NR1D2: variants seen among roughly 807,000 people sequenced by gnomAD.
NR1D2 encodes the protein nuclear receptor subfamily 1 group D member 2.
In NR1D2, 25 loss-of-function variants were observed where a neutral mutation model predicts 52.2. That is an observed-to-expected ratio of 0.48 (90% confidence interval 0.35 to 0.67). The LOEUF (loss-of-function observed/expected upper bound fraction) is 0.67, where lower values mean the gene tolerates loss of function less well. NR1D2 is among the 30% of genes least tolerant of loss of function. The pLI, the probability that NR1D2 is intolerant of heterozygous loss-of-function variation, is 0.01. For missense variants in NR1D2, 681 were observed against 707.2 expected (o/e 0.96, Z 0.42); for synonymous variants, 259 against 230.1 (o/e 1.13, Z -1.14).
chr3:23,948,495 T>TA (rs1404905956), intron 1 of NR1D2, among the ~76,000 whole-genome samples: 1 of 152,154 alleles, frequency 6.6e-6, no homozygotes, highest in African/African-American at 2.4e-5. Context: ...TAACACACAT[T>TA]AAAAAATGAG....
chr3:23,957,131 C>T (rs752095205), intron 3 of NR1D2, among the ~76,000 whole-genome samples: 71 of 151,972 alleles, frequency 4.7e-4, no homozygotes, highest in Admixed American at 7.2e-4. Flanking sequence ...TACAGGCACA[C>T]GCCACCACTC....
intron 7 of NR1D2, among the ~76,000 whole-genome samples, chr3:23,969,721 G>T (rs974386573): frequency 6.6e-6 from 1 of 152,204 alleles, no homozygotes; most frequent in Non-Finnish European, 1.5e-5. Context: ...TTTTTGGAGA[G>T]ATGAAACTAC....
chr3:23,945,577 C>T lies in NR1D2; in HGVS notation c.-2C>T. 8.5e-7 allele frequency: 1 copy of T among 1,173,146 alleles called. No homozygotes were observed. The highest frequency in any genetic ancestry group is 1.1e-6 in the Non-Finnish European group (1 of 942,904). 72.7% of individuals were successfully genotyped at this position (1,173,146 alleles called of 1,614,324 possible). On this transcript the variant is annotated 5_prime_UTR_variant, in exon 1 of 8. Coordinates refer to ENST00000312521, the MANE Select transcript of NR1D2 (RefSeq NM_005126.5). ...GGCCCCGGCCGCCTCCGCGAGGGCA[C>T]CATGGAGGTGAATGCAGGTAAGAAC...
At position 23,972,742 on chromosome 3, in the gene NR1D2, G is replaced by A. The variant is rs115059515; in HGVS notation, c.1544-4481G>A. 6.2e-3 allele frequency among the ~76,000 whole-genome samples: 938 copies of A among 152,232 alleles called. 12 individuals carry two copies. Among genetic ancestry groups the A allele is most frequent in the African/African-American group, 0.021 (882 of 41,532 alleles). On this transcript the variant is annotated intron_variant, in intron 7 of 7. Coordinates refer to ENST00000312521, the MANE Select transcript of NR1D2 (RefSeq NM_005126.5). The stretch of plus-strand genomic sequence containing the variant: ...CTCTGCAGTACTAGTGTAGCATTTA[G>A]TACACCATTTAGAAGATGAATTTCC...
At chr3:23,947,711 A>G (rs536137092) in intron 1 of NR1D2, among the ~76,000 whole-genome samples, 2 of 152,234 alleles carry the variant, frequency 1.3e-5, no homozygotes, top group African/African-American at 4.8e-5. Flanking sequence ...TACAATGACC[A>G]TTCTTAAAAT....
At chr3:23,949,427 CTT>C (rs1402242884) in intron 1 of NR1D2, among the ~76,000 whole-genome samples, 3 of 151,950 alleles carry the variant, frequency 2.0e-5, no homozygotes, top group Middle Eastern at 3.4e-3. Context: ...AAAAATGTCT[CTT>C]TTGATGATTT....
chr3:23,972,962 G>A (rs1027326917), intron 7 of NR1D2, among the ~76,000 whole-genome samples: 1 of 152,110 alleles, frequency 6.6e-6, no homozygotes, highest in Non-Finnish European at 1.5e-5. Flanking sequence ...GTTGTATAAC[G>A]AAGCATAGGT....
At chr3:23,957,580 G>T (rs994565705) in intron 3 of NR1D2, among the ~76,000 whole-genome samples, 1 of 151,096 alleles carries the variant, frequency 6.6e-6, no homozygotes, top group Non-Finnish European at 1.5e-5. Flanking sequence ...AAAATTAGCC[G>T]GACGTAGTGG....
intron 1 of NR1D2, among the ~76,000 whole-genome samples, chr3:23,951,917 G>T (rs982325011): frequency 1.3e-5 from 2 of 152,204 alleles, no homozygotes; most frequent in African/African-American, 2.4e-5. Flanking sequence ...TCTTGTGTTT[G>T]TAGTTTTGGA....
intron 3 of NR1D2, among the ~76,000 whole-genome samples, chr3:23,957,390 CTTTTTT>C (rs201651739): frequency 0.11 from 11,793 of 110,494 alleles, 612 homozygotes; most frequent in Middle Eastern, 0.25. Context: ...CTCTATATAT[CTTTTTT>C]TTTTTTTTTT....
chr3:23,956,616 T>A (rs1307472478), intron 3 of NR1D2, among the ~76,000 whole-genome samples: 2 of 152,230 alleles, frequency 1.3e-5, no homozygotes, highest in Admixed American at 1.3e-4. Flanking sequence ...TAAAAAATAA[T>A]GCCAAGTGAG....
At chr3:23,956,343 A>G (rs1158851115) in intron 3 of NR1D2, among the ~76,000 whole-genome samples, 1 of 152,232 alleles carries the variant, frequency 6.6e-6, no homozygotes, top group Non-Finnish European at 1.5e-5. Context: ...ATTTTGAACA[A>G]AGTAAATTTG....
intron 1 of NR1D2, among the ~76,000 whole-genome samples, chr3:23,951,828 C>T (rs1705943010): frequency 6.6e-6 from 1 of 152,170 alleles, no homozygotes; most frequent in South Asian, 2.1e-4. Context: ...TCTGAAAAAG[C>T]ACCAGCTAGT....
At chr3:23,954,279 A>G (rs1443954283) in intron 1 of NR1D2, among the ~76,000 whole-genome samples, 1 of 152,192 alleles carries the variant, frequency 6.6e-6, no homozygotes, top group Non-Finnish European at 1.5e-5. Flanking sequence ...CCAAAGTACT[A>G]TGATTACAGG....
chr3:23,947,595 T>C (rs184443032), intron 1 of NR1D2, among the ~76,000 whole-genome samples: 37 of 152,360 alleles, frequency 2.4e-4, no homozygotes, highest in Non-Finnish European at 1.5e-4. Context: ...GTTGCTTTGC[T>C]GACTCACAGT....
chr3:23,968,242 C>T (rs1033680204), intron 7 of NR1D2, among the ~76,000 whole-genome samples: 4 of 152,116 alleles, frequency 2.6e-5, no homozygotes, highest in African/African-American at 9.7e-5. Context: ...ACATCTAGGC[C>T]TTGTGTTTAC....
intron 1 of NR1D2, 92 bp downstream of exon 1, chr3:23,945,686 C>A: frequency 5.5e-6 from 3 of 542,172 alleles, no homozygotes; most frequent in South Asian, 8.4e-5. Context: ...GGGGTGTCCC[C>A]ATGGCCGGTG....
intron 1 of NR1D2, among the ~76,000 whole-genome samples, chr3:23,949,672 G>A (rs1559329085): frequency 2.0e-5 from 3 of 152,228 alleles, no homozygotes; most frequent in African/African-American, 7.2e-5. Context: ...GCTTCAGTTA[G>A]ATCTACTCTA....
rs1706035551 is a variant in NR1D2, at chr3:23,954,661, T to G, written c.141T>G (p.Ser47=). The part of the protein sequence containing the change: ...SSSVPSSPNS[S]NSDTNGNPKN... ...CTGTTCCATCTTCTCCAAATAGCTC[T>G]AATTCTGATACCAATGGTAATCCCA... is the stretch of plus-strand genomic sequence containing the variant. Residue 47 remains serine (S), a synonymous_variant, in exon 2 of 8, where the codon TCT becomes TCG. Coordinates refer to ENST00000312521, the MANE Select transcript of NR1D2 (RefSeq NM_005126.5). 6.2e-7 allele frequency: 1 copy of G among 1,614,072 alleles called. No homozygotes were observed. Among genetic ancestry groups the G allele is most frequent in the Non-Finnish European group, 8.5e-7 (1 of 1,180,014 alleles).
Sources: gnomAD v4.1 joint callset for allele counts (sites outside exome capture counted in the v4.1 genomes callset) on GRCh38, gnomAD v4.1.1 for gene constraint, MANE v1.5 for transcripts, NCBI Gene and HGNC (gene_info 2026-07-23, HGNC 2026-07-21) for gene names.